AKAP7: variants seen among roughly 807,000 people sequenced by gnomAD.
AKAP7 encodes the protein A-kinase anchoring protein 7.
AKAP7 carries 39 observed loss-of-function variants against 39.5 expected under a neutral mutation model. The observed-to-expected ratio is 0.99, with a 90% CI of 0.76 to 1.29. AKAP7 has a LOEUF of 1.29. Among genes scored for constraint, AKAP7 ranks in the 50% most tolerant of loss-of-function variants. AKAP7 has a pLI of 0.00. For synonymous variants in AKAP7, 140 were observed against 139.1 expected, an observed-to-expected ratio of 1.01 and a Z score of -0.05; for missense variants, 414 against 407.7, an observed-to-expected ratio of 1.02 and a Z score of -0.13.
intron 3 of AKAP7, among the ~76,000 whole-genome samples, chr6:131,162,971 G>C (rs1292238215): frequency 6.6e-6 from 1 of 151,738 alleles, no homozygotes; most frequent in Non-Finnish European, 1.5e-5. Flanking sequence ...TTGTTCAAGA[G>C]TAGGTGCGCA....
chr6:131,203,297 A>G (rs1351546918), intron 6 of AKAP7, among the ~76,000 whole-genome samples: 1 of 152,026 alleles, frequency 6.6e-6, no homozygotes, highest in Non-Finnish European at 1.5e-5. Flanking sequence ...CTCGGCACTA[A>G]TTTTCTTCTA....
At chr6:131,230,506 C>A (rs1374450852) in intron 7 of AKAP7, among the ~76,000 whole-genome samples, 8 of 152,024 alleles carry the variant, frequency 5.3e-5, no homozygotes, top group African/African-American at 1.9e-4. Flanking sequence ...TTGTTGGATG[C>A]ATAGTTTGCA....
rs78422866 is a variant in AKAP7, at chr6:131,281,950, T to C, written c.*224T>C. ...AGGAAATTAATTGATGAAAGAAGAA[T>C]GGCCCAAGTTTCATTCGCCCTCAGC... On this transcript the variant is annotated 3_prime_UTR_variant, in exon 8 of 8. Transcript: ENST00000431975. This position sits in a 1 kb window ranked among gnomAD's most constrained non-coding sequence, Gnocchi z 4.0. 947 of 1,217,048 alleles carry C rather than the reference T, an allele frequency of 7.8e-4. 6 individuals are homozygous for C. The African/African-American group carries it at 0.012, about 15-fold the overall frequency. The allele number at this position is 1,217,048 out of a possible 1,614,324, so 75.4% of individuals were successfully genotyped here.
chr6:131,214,096 G>A (rs1157454109), intron 6 of AKAP7, among the ~76,000 whole-genome samples: 3 of 152,120 alleles, frequency 2.0e-5, no homozygotes, highest in East Asian at 1.9e-4. Context: ...CTTTTGTGAC[G>A]TGACTTGTGT....
At chr6:131,236,483 A>T (rs60159665) in intron 7 of AKAP7, among the ~76,000 whole-genome samples, 3,616 of 152,288 alleles carry the variant, frequency 0.024, 148 homozygotes, top group African/African-American at 0.082. Context: ...TGAATCTATA[A>T]ATTACCTTTG....
intron 2 of AKAP7, among the ~76,000 whole-genome samples, chr6:131,147,029 T>C (rs1485690189): frequency 6.6e-6 from 1 of 152,148 alleles, no homozygotes; most frequent in Non-Finnish European, 1.5e-5. Flanking sequence ...CAGGGAGGCA[T>C]CTAACCTGGG....
At chr6:131,212,396 A>G (rs760023143) in intron 6 of AKAP7, among the ~76,000 whole-genome samples, 20 of 152,232 alleles carry the variant, frequency 1.3e-4, no homozygotes, top group Non-Finnish European at 2.6e-4. Context: ...TTCTTGGGTC[A>G]TATGTTTAAT....
intron 5 of AKAP7, among the ~76,000 whole-genome samples, chr6:131,195,922 GTCT>G (rs1806881795): frequency 6.6e-6 from 1 of 152,084 alleles, no homozygotes; most frequent in Non-Finnish European, 1.5e-5. Context: ...CCTTTAGGTA[GTCT>G]TCTTTGAATT....
chr6:131,149,411 G>C (rs1367974539), intron 2 of AKAP7, among the ~76,000 whole-genome samples: 4 of 152,224 alleles, frequency 2.6e-5, no homozygotes, highest in Non-Finnish European at 2.9e-5. Flanking sequence ...GAGTTGGGCG[G>C]ATCTTTTGAG....
chr6:131,211,211 A>G (rs1027135081), intron 6 of AKAP7, among the ~76,000 whole-genome samples: 4 of 152,076 alleles, frequency 2.6e-5, no homozygotes, highest in Non-Finnish European at 4.4e-5. Context: ...CAGTGTATAT[A>G]ATTTTTTGCA....
At chr6:131,236,775 A>T (rs1441605456) in intron 7 of AKAP7, among the ~76,000 whole-genome samples, 5 of 152,188 alleles carry the variant, frequency 3.3e-5, no homozygotes, top group Non-Finnish European at 7.3e-5. Flanking sequence ...GACTTTGCTG[A>T]AGTTGCCTAT....
chr6:131,216,858 G>A (rs965989135), intron 6 of AKAP7, among the ~76,000 whole-genome samples: 3 of 152,066 alleles, frequency 2.0e-5, no homozygotes, highest in Admixed American at 2.0e-4. Context: ...CTAAGGACTA[G>A]ACCATCAACA....
At chr6:131,208,963 T>C (rs1381994607) in intron 6 of AKAP7, among the ~76,000 whole-genome samples, 1 of 152,226 alleles carries the variant, frequency 6.6e-6, no homozygotes, top group Non-Finnish European at 1.5e-5. Context: ...ACATGGTTCC[T>C]TCTGAGTGTA....
intron 7 of AKAP7, among the ~76,000 whole-genome samples, chr6:131,232,777 G>T (rs373496482): frequency 6.6e-6 from 1 of 151,954 alleles, no homozygotes; most frequent in Non-Finnish European, 1.5e-5. Context: ...GAGGGACAAA[G>T]CAAGACTGTC....
At chr6:131,213,662 T>G (rs890574551) in intron 6 of AKAP7, among the ~76,000 whole-genome samples, 8 of 152,132 alleles carry the variant, frequency 5.3e-5, no homozygotes, top group Non-Finnish European at 7.4e-5. Context: ...GATGCCTCAT[T>G]TTTTGAGCCC....
intron 6 of AKAP7, among the ~76,000 whole-genome samples, chr6:131,201,511 G>A (rs1055455443): frequency 1.3e-5 from 2 of 152,106 alleles, no homozygotes; most frequent in African/African-American, 2.4e-5. Flanking sequence ...CAGATGAGTA[G>A]GTTGTGAAAA....
chr6:131,248,012 G>A (rs764452431), intron 7 of AKAP7, among the ~76,000 whole-genome samples: 16 of 152,000 alleles, frequency 1.1e-4, no homozygotes, highest in Non-Finnish European at 2.1e-4. Context: ...TTTATTGCAC[G>A]AACATTATCC....
intron 5 of AKAP7, among the ~76,000 whole-genome samples, chr6:131,177,006 C>T (rs1804649151): frequency 6.6e-6 from 1 of 152,194 alleles, no homozygotes; most frequent in Non-Finnish European, 1.5e-5. Flanking sequence ...TATACCCTGC[C>T]TCTGTTTGCA....
chr6:131,224,476 G>C (rs1809974740), intron 7 of AKAP7, among the ~76,000 whole-genome samples: 1 of 152,064 alleles, frequency 6.6e-6, no homozygotes, highest in African/African-American at 2.4e-5. Context: ...TTGGGCCTCA[G>C]GGACACTGAG....
Sources: gnomAD v4.1 joint callset for allele counts (sites outside exome capture counted in the v4.1 genomes callset) on GRCh38, gnomAD v4.1.1 for gene constraint, Gnocchi (gnomAD v3.1) non-coding constraint, MANE v1.5 for transcripts, NCBI Gene and HGNC (gene_info 2026-07-23, HGNC 2026-07-21) for gene names.